Variants in RIMS1 observed in about 807,000 individuals in gnomAD.
The protein encoded by RIMS1 is regulating synaptic membrane exocytosis protein 1.
RIMS1 carries 83 observed loss-of-function variants against 214.1 expected under a neutral mutation model. The observed-to-expected ratio is 0.39, with a 90% CI of 0.32 to 0.47. RIMS1 has a LOEUF of 0.47. Ranked by LOEUF, RIMS1 falls within the 20% of genes least tolerant of loss-of-function variation. The pLI is 0.99. For missense variants in RIMS1, 2,050 were observed against 2,161.8 expected, an observed-to-expected ratio of 0.95 and a Z score of 1.03; for synonymous variants, 793 against 786.8, an observed-to-expected ratio of 1.01 and a Z score of -0.13.
At chr6:72,149,595 A>G (rs1187879425) in intron 4 of RIMS1, among the ~76,000 whole-genome samples, 1 of 152,186 alleles carries the variant, frequency 6.6e-6, no homozygotes, top group African/African-American at 2.4e-5. Flanking sequence ...TTCACTCTTA[A>G]CTGGCTAATT....
chr6:72,393,598 G>C (rs890456982), intron 31 of RIMS1, among the ~76,000 whole-genome samples: 1 of 151,988 alleles, frequency 6.6e-6, no homozygotes, highest in African/African-American at 2.4e-5. Context: ...ATAGTGGTGG[G>C]CACCTGTAGT....
At chr6:72,340,112 GC>G (rs1378433352) in intron 29 of RIMS1, among the ~76,000 whole-genome samples, 1 of 151,858 alleles carries the variant, frequency 6.6e-6, no homozygotes, top group Admixed American at 6.6e-5. Flanking sequence ...CATATCCTTC[GC>G]CCACTTGTTG....
At position 72,233,839 on chromosome 6, in the gene RIMS1, C is replaced by T. The variant is rs779418222; in HGVS notation, c.1745C>T (p.Ser582Leu). 13 of 1,571,696 alleles carry T rather than the reference C, an allele frequency of 8.3e-6. No homozygotes were observed. Among genetic ancestry groups the T allele is most frequent in the African/African-American group, 1.4e-5 (1 of 74,038 alleles). The stretch of plus-strand genomic sequence containing the variant: ...AGCCGGGAGACATCACCTATTAGTT[C>T]GGTAAGTTTTCTGGAAAGTGTGTTT... ...WHSRETSPIS[S>L]HPVTWQPSKE... Residue 582 changes from serine (S) to leucine (L), a missense_variant and splice_region_variant, in exon 7 of 34, where the codon TCG becomes TTG. Coordinates refer to ENST00000521978, the MANE Select transcript of RIMS1 (RefSeq NM_014989.7).
At chr6:72,263,375 A>C in intron 19 of RIMS1, 1 of 983,642 alleles carries the variant, frequency 1.0e-6, no homozygotes, top group Non-Finnish European at 1.2e-6. Flanking sequence ...GTTACCACAC[A>C]CCCCTGTTAA....
At chr6:72,218,735 C>A (rs891967545) in intron 6 of RIMS1, among the ~76,000 whole-genome samples, 1 of 152,076 alleles carries the variant, frequency 6.6e-6, no homozygotes, top group African/African-American at 2.4e-5. Context: ...GGTTCATGTT[C>A]CCAGATATAT....
At chr6:72,047,605 C>A (rs576739859) in intron 2 of RIMS1, among the ~76,000 whole-genome samples, 1 of 151,838 alleles carries the variant, frequency 6.6e-6, no homozygotes, top group Admixed American at 6.6e-5. Context: ...ATAAACTGTG[C>A]GGGCTAGTTT....
Position 72,160,881 on chromosome 6 carries a change from G to A in RIMS1, c.472-18694G>A, listed in dbSNP as rs575128816. Among the ~76,000 whole-genome samples, 18 of 140,186 alleles carry A rather than the reference G, an allele frequency of 1.3e-4. 1 individual carries two copies. The highest frequency in any genetic ancestry group is 4.4e-4 in the African/African-American group (18 of 40,642). 92.0% of individuals were successfully genotyped at this position (140,186 alleles called of 152,430 possible). A position where few individuals can be genotyped will look rare whatever the true frequency, so the allele number is the denominator to read the frequency against. On this transcript the variant is annotated intron_variant, in intron 4 of 33. Coordinates refer to ENST00000521978, the MANE Select transcript of RIMS1 (RefSeq NM_014989.7). ...TGTCTCTGCCAGGCTTTGGTATCAGGATGATGCTGGCCTCATAAAATGAGT... is the reference window on the plus strand; with the variant it reads ...TGTCTCTGCCAGGCTTTGGTATCAGAATGATGCTGGCCTCATAAAATGAGT...
At chr6:72,259,223 G>C (rs1055432193) in intron 18 of RIMS1, 112 bp downstream of exon 18, 1 of 788,324 alleles carries the variant, frequency 1.3e-6, no homozygotes, top group Non-Finnish European at 1.9e-6. Flanking sequence ...ACTCAAAAAT[G>C]AGCTGCTCTC....
At chr6:72,081,794 T>C (rs991229519) in intron 2 of RIMS1, among the ~76,000 whole-genome samples, 3 of 152,254 alleles carry the variant, frequency 2.0e-5, no homozygotes, top group Admixed American at 1.3e-4. Flanking sequence ...ATTGGTTTTA[T>C]GATCTCTCTT....
At chr6:72,036,023 T>C (rs1239535960) in intron 2 of RIMS1, among the ~76,000 whole-genome samples, 1 of 152,170 alleles carries the variant, frequency 6.6e-6, no homozygotes, top group Non-Finnish European at 1.5e-5. Context: ...AAATCTATTA[T>C]AATACTCTAA....
At chr6:72,092,951 T>A (rs1440538788) in intron 2 of RIMS1, among the ~76,000 whole-genome samples, 1 of 152,150 alleles carries the variant, frequency 6.6e-6, no homozygotes, top group Admixed American at 6.5e-5. Context: ...CCAGGAGACC[T>A]TCAATTCTAT....
chr6:72,144,776 T>C (rs1028240535), intron 4 of RIMS1, among the ~76,000 whole-genome samples: 1 of 152,168 alleles, frequency 6.6e-6, no homozygotes, highest in Non-Finnish European at 1.5e-5. Context: ...AGATCACTGA[T>C]TGGTTCACAG....
In RIMS1 at chr6:72,216,575, A is replaced by C. The variant is rs1016228904; in HGVS notation, c.1679-17198A>C. 6.1e-6 allele frequency: 6 copies of C among 985,396 alleles called. 1 individual carries two copies. The African/African-American group carries it at 1.0e-4, about 17-fold the overall frequency. The allele number at this position is 985,396 out of a possible 1,614,324, so 61.0% of individuals were successfully genotyped here. ...AGTTAGGGAAACTGCAGAGGAAATG[A>C]TCTGTTACACAGGGCTTGGCAGGAC... On this transcript the variant is annotated intron_variant, in intron 6 of 33. Transcript: ENST00000521978.
intron 1 of RIMS1, among the ~76,000 whole-genome samples, chr6:71,934,115 G>A (rs193180551): frequency 2.0e-5 from 3 of 152,256 alleles, no homozygotes; most frequent in Middle Eastern, 3.4e-3. Context: ...GAGTAAAAGG[G>A]TGAGCATCAG....
chr6:71,916,746 G>T (rs1356443552), intron 1 of RIMS1, among the ~76,000 whole-genome samples: 1 of 152,106 alleles, frequency 6.6e-6, no homozygotes, highest in Non-Finnish European at 1.5e-5. Context: ...TGATTCATAG[G>T]CAGACTTGCA....
chr6:72,305,582 A>T (rs1212342338), intron 26 of RIMS1, among the ~76,000 whole-genome samples: 1 of 152,128 alleles, frequency 6.6e-6, no homozygotes, highest in African/African-American at 2.4e-5. Context: ...CATTTTCTAT[A>T]TTGCATATGT....
At chr6:72,310,989 T>TG (rs1159221778) in intron 27 of RIMS1, among the ~76,000 whole-genome samples, 2 of 152,160 alleles carry the variant, frequency 1.3e-5, no homozygotes, top group African/African-American at 4.8e-5. Flanking sequence ...GAAGAAAAGA[T>TG]GGCTTAAGTA....
At chr6:72,296,876 G>C (rs1386621410) in intron 26 of RIMS1, among the ~76,000 whole-genome samples, 1 of 151,796 alleles carries the variant, frequency 6.6e-6, no homozygotes. Context: ...CAAACTGCTT[G>C]TCAGTAGTAG....
chr6:72,139,727 A>T (rs1562407174), intron 4 of RIMS1, among the ~76,000 whole-genome samples: 1 of 152,012 alleles, frequency 6.6e-6, no homozygotes, highest in African/African-American at 2.4e-5. Flanking sequence ...TATTTTTAAT[A>T]TTTTTTTCAA....
Sources: allele counts gnomAD v4.1 joint callset (sites outside exome capture counted in the v4.1 genomes callset), GRCh38; gene constraint gnomAD v4.1.1; transcripts MANE v1.5; gene names NCBI Gene and HGNC (gene_info 2026-07-23, HGNC 2026-07-21).